Variants in CACNB2 observed in about 807,000 individuals in gnomAD.
CACNB2 encodes the protein voltage-dependent L-type calcium channel subunit beta-2.
Under a neutral mutation model 73.3 loss-of-function variants are expected in CACNB2, and 42 were observed. The ratio of observed to expected loss-of-function variants is 0.57; its 90% CI spans 0.45 to 0.74. The LOEUF is 0.74. Ranked by LOEUF, CACNB2 falls within the 30% of genes least tolerant of loss-of-function variation. The probability of loss-of-function intolerance (pLI) is 0.00; values close to 1 mark genes in which losing one functional copy is unlikely to be tolerated. For synonymous variants in CACNB2, 348 were observed against 310.3 expected (o/e 1.12, Z -1.28); for missense variants, 940 against 853.0 (o/e 1.10, Z -1.27).
chr10:18,514,135 G>GT (rs1193043183), intron 6 of CACNB2, 101 bp from the exon 7 acceptor site: 215 of 1,304,342 alleles, frequency 1.6e-4, no homozygotes, highest in Middle Eastern at 8.2e-4. Flanking sequence ...ACTCATGATA[G>GT]TTTTTTTTAC....
chr10:18,301,592 C>T (rs551262980), intron 2 of CACNB2, among the ~76,000 whole-genome samples: 15 of 151,460 alleles, frequency 9.9e-5, no homozygotes, highest in African/African-American at 3.1e-4. Flanking sequence ...GAGATCCTGT[C>T]GCAAAAACAA....
rs777856566 is a variant in CACNB2, at chr10:18,542,470, G to A, written c.*2746G>A. ...TATTTCATCCCAATTAATGATTTTA[G>A]AATATTTAAATTCTTGAAACATAGC... On this transcript the variant is annotated 3_prime_UTR_variant, in exon 14 of 14. Transcript: ENST00000324631. 1.3e-4 allele frequency: 20 copies of A among 152,200 alleles called. No individual in the cohort carries two copies. The highest frequency in any genetic ancestry group is 3.3e-4 in the Admixed American group (5 of 15,270). 9.4% of individuals were successfully genotyped at this position (152,200 alleles called of 1,614,324 possible).
intron 2 of CACNB2, chr10:18,261,264 C>T (rs1456560706): frequency 1.3e-6 from 2 of 1,551,148 alleles, no homozygotes; most frequent in African/African-American, 1.4e-5. Context: ...GTTCTGCCCC[C>T]TCTTCATGCA....
At chr10:18,148,147 CAGAAT>C (rs1423309916) in intron 1 of CACNB2, among the ~76,000 whole-genome samples, 3 of 151,502 alleles carry the variant, frequency 2.0e-5, no homozygotes, top group African/African-American at 7.3e-5. Context: ...AGTAAAATAA[CAGAAT>C]AGAGATATAA....
At chr10:18,202,530 A>G (rs2034926030) in intron 2 of CACNB2, among the ~76,000 whole-genome samples, 1 of 152,172 alleles carries the variant, frequency 6.6e-6, no homozygotes, top group Non-Finnish European at 1.5e-5. Context: ...TAAAAACTTC[A>G]CATTCTCATC....
At chr10:18,168,824 A>G (rs2033042730) in intron 2 of CACNB2, among the ~76,000 whole-genome samples, 1 of 152,220 alleles carries the variant, frequency 6.6e-6, no homozygotes. Context: ...TCCCAAATAC[A>G]AGCTCCTTGT....
At chr10:18,304,339 T>C (rs376861092) in intron 2 of CACNB2, among the ~76,000 whole-genome samples, 2 of 152,326 alleles carry the variant, frequency 1.3e-5, no homozygotes, top group South Asian at 2.1e-4. Context: ...GCAAGTATAT[T>C]ATCTCAAATG....
At chr10:18,154,811 C>T (rs998850332) in intron 2 of CACNB2, among the ~76,000 whole-genome samples, 2 of 152,138 alleles carry the variant, frequency 1.3e-5, no homozygotes. Context: ...GTTGCATGCA[C>T]ACAGAGAAAA....
In CACNB2 at chr10:18,361,860, G is replaced by A. The variant is rs1017321597; in HGVS notation, c.214-40064G>A. ...ACTCCTGACCTCAAGCAATCTGCCCGCCTCTACCTCCCAAAGTGCTGGGAT... is the reference window on the plus strand; with the variant it reads ...ACTCCTGACCTCAAGCAATCTGCCCACCTCTACCTCCCAAAGTGCTGGGAT... On this transcript the variant is annotated intron_variant, in intron 2 of 13. Transcript: ENST00000324631. Among the ~76,000 whole-genome samples the A allele has an allele frequency of 5.3e-5, 8 of 152,130 alleles. No individual in the cohort carries two copies. In the South Asian group the frequency reaches 6.2e-4, roughly 12 times the overall value.
chr10:18,286,334 G>A (rs982421725), intron 2 of CACNB2, among the ~76,000 whole-genome samples: 3 of 151,762 alleles, frequency 2.0e-5, no homozygotes, highest in Non-Finnish European at 4.4e-5. Context: ...GGCTAACACG[G>A]TGAAACCCCG....
intron 2 of CACNB2, among the ~76,000 whole-genome samples, chr10:18,252,535 C>T (rs1189496646): frequency 1.3e-5 from 2 of 152,100 alleles, no homozygotes; most frequent in African/African-American, 2.4e-5. Context: ...CTTTGCTTTG[C>T]TTTTTTTCTT....
chr10:18,270,342 A>G lies in CACNB2; in HGVS notation c.213+119367A>G, dbSNP rs551722168. ...GGGGGATTATGGGGATTACAATTCC[A>G]CATGAGATTTGGGTGGGGACAAAGC... On this transcript the variant is annotated intron_variant, in intron 2 of 13. Transcript: ENST00000324631. Among the ~76,000 whole-genome samples the G allele has an allele frequency of 3.2e-4, 48 of 152,316 alleles. No homozygotes were observed. In the South Asian group the frequency reaches 9.3e-3, roughly 30 times the overall value.
intron 3 of CACNB2, among the ~76,000 whole-genome samples, chr10:18,429,008 C>T (rs955525199): frequency 6.6e-6 from 1 of 152,170 alleles, no homozygotes; most frequent in Non-Finnish European, 1.5e-5. Flanking sequence ...ATTACTACTG[C>T]CTTTTCTAAC....
chr10:18,146,751 G>T (rs571092797), intron 1 of CACNB2, among the ~76,000 whole-genome samples: 14 of 152,050 alleles, frequency 9.2e-5, no homozygotes, highest in Non-Finnish European at 2.1e-4. Context: ...CTCCCAAAGT[G>T]CTGGGATGAC....
chr10:18,379,781 G>A (rs1237189616), intron 2 of CACNB2, among the ~76,000 whole-genome samples: 3 of 152,128 alleles, frequency 2.0e-5, no homozygotes, highest in Non-Finnish European at 4.4e-5. Flanking sequence ...CAACCTCCCA[G>A]TCTCAAACGA....
intron 3 of CACNB2, among the ~76,000 whole-genome samples, chr10:18,494,744 T>G (rs1387442707): frequency 1.3e-5 from 2 of 152,050 alleles, no homozygotes; most frequent in Non-Finnish European, 2.9e-5. Flanking sequence ...GAAACTTTTC[T>G]GAATAATGGA....
intron 2 of CACNB2, among the ~76,000 whole-genome samples, chr10:18,270,014 G>A (rs1464484934): frequency 1.3e-5 from 2 of 152,102 alleles, no homozygotes; most frequent in African/African-American, 2.4e-5. Context: ...AGTAACTGCA[G>A]TAGTCCATTC....
intron 2 of CACNB2, among the ~76,000 whole-genome samples, chr10:18,326,793 C>G (rs770515121): frequency 6.6e-6 from 1 of 152,158 alleles, no homozygotes; most frequent in Non-Finnish European, 1.5e-5. Flanking sequence ...GTGGTGTGAT[C>G]AGGGCTCACT....
intron 2 of CACNB2, among the ~76,000 whole-genome samples, chr10:18,174,142 C>A (rs1239697491): frequency 6.6e-6 from 1 of 151,998 alleles, no homozygotes; most frequent in African/African-American, 2.4e-5. Flanking sequence ...GAAAACTTAG[C>A]ACCTTTGAAG....
Sources: gnomAD v4.1 joint callset for allele counts (sites outside exome capture counted in the v4.1 genomes callset) on GRCh38, gnomAD v4.1.1 for gene constraint, MANE v1.5 for transcripts, NCBI Gene and HGNC (gene_info 2026-07-23, HGNC 2026-07-21) for gene names.